The following MAML2 variants were observed in gnomAD, a reference collection of about 807,000 sequenced individuals.
MAML2 encodes mastermind-like protein 2.
MAML2 carries 22 observed loss-of-function variants against 96.1 expected under a neutral mutation model. That is an observed-to-expected ratio of 0.23 (90% CI 0.16 to 0.33). The LOEUF (loss-of-function observed/expected upper bound fraction) is 0.33, where lower values mean the gene tolerates loss of function less well. Ranked by LOEUF, MAML2 falls within the 10% of genes least tolerant of loss-of-function variation. MAML2 has a pLI of 1.00. For missense variants in MAML2, 1,367 were observed against 1,392.4 expected, an observed-to-expected ratio of 0.98 and a Z score of 0.29; for synonymous variants, 561 against 521.3, an observed-to-expected ratio of 1.08 and a Z score of -1.04.
At chr11:96,148,056 A>G (rs923967496) in intron 1 of MAML2, among the ~76,000 whole-genome samples, 2 of 152,236 alleles carry the variant, frequency 1.3e-5, no homozygotes, top group African/African-American at 4.8e-5. Flanking sequence ...TCCTTTAACA[A>G]GACTGTGGTG....
At chr11:95,999,706 T>C (rs1858051629) in intron 2 of MAML2, among the ~76,000 whole-genome samples, 1 of 152,138 alleles carries the variant, frequency 6.6e-6, no homozygotes. Context: ...AATGAAGTAA[T>C]GTAAATTACT....
intron 2 of MAML2, among the ~76,000 whole-genome samples, chr11:96,052,276 G>A (rs1166702862): frequency 6.6e-6 from 1 of 152,104 alleles, no homozygotes; most frequent in Non-Finnish European, 1.5e-5. Context: ...ATACATTTAG[G>A]AACACATACT....
chr11:96,126,279 C>T (rs1055573454), intron 1 of MAML2, among the ~76,000 whole-genome samples: 4 of 152,002 alleles, frequency 2.6e-5, no homozygotes, highest in African/African-American at 9.7e-5. Flanking sequence ...GCAGAGAGGC[C>T]CGGTTTGGTG....
chr11:96,184,073 G>T, intron 1 of MAML2, among the ~76,000 whole-genome samples: 1 of 151,756 alleles, frequency 6.6e-6, no homozygotes, highest in Non-Finnish European at 1.5e-5. Context: ...GTCCTTTGAG[G>T]ATGGTACTCC....
intron 1 of MAML2, among the ~76,000 whole-genome samples, chr11:96,141,364 A>G (rs1038035044): frequency 2.0e-5 from 3 of 152,146 alleles, no homozygotes; most frequent in Non-Finnish European, 4.4e-5. Context: ...GACCCTTGAC[A>G]TCTCCCCTGA....
In MAML2 at chr11:96,030,090, G is replaced by A. The variant is rs533941237; in HGVS notation, c.2140-38367C>T. ...CTGCTAAAAATACAAAAAATTAGCC[G>A]GGCGTGGTAGCGGACACCTGTAATC... On this transcript the variant is annotated intron_variant, in intron 2 of 4. Transcript: ENST00000524717. Among the ~76,000 whole-genome samples, 355 of 152,140 alleles carry A rather than the reference G, an allele frequency of 2.3e-3. 4 individuals carry two copies. Among genetic ancestry groups the A allele is most frequent in the Non-Finnish European group, 7.1e-4 (48 of 68,000 alleles).
At chr11:96,069,372 T>C (rs1265744629) in intron 2 of MAML2, among the ~76,000 whole-genome samples, 3 of 152,222 alleles carry the variant, frequency 2.0e-5, no homozygotes, top group Non-Finnish European at 1.5e-5. Flanking sequence ...TTCTATTTTT[T>C]AATTAAGATA....
At chr11:96,333,922 C>T (rs1242286246) in intron 1 of MAML2, among the ~76,000 whole-genome samples, 1 of 152,144 alleles carries the variant, frequency 6.6e-6, no homozygotes, top group Non-Finnish European at 1.5e-5. Context: ...ACCTACTAAG[C>T]CCACACTCCA....
chr11:96,011,621 GTTCAC>G (rs1858268145), intron 2 of MAML2, among the ~76,000 whole-genome samples: 1 of 152,146 alleles, frequency 6.6e-6, no homozygotes, highest in Admixed American at 6.5e-5. Context: ...TGGGTACTAT[GTTCAC>G]TATTTGGGTG....
At chr11:96,159,118 G>T (rs1282174464) in intron 1 of MAML2, among the ~76,000 whole-genome samples, 12 of 152,082 alleles carry the variant, frequency 7.9e-5, no homozygotes, top group Non-Finnish European at 1.5e-5. Context: ...ATAGAAACTT[G>T]AGTGGAAAGA....
chr11:96,144,246 G>C (rs1159192379), intron 1 of MAML2, among the ~76,000 whole-genome samples: 1 of 152,198 alleles, frequency 6.6e-6, no homozygotes, highest in East Asian at 1.9e-4. Context: ...ACATTAATTA[G>C]AGTCTCAAAG....
intron 1 of MAML2, among the ~76,000 whole-genome samples, chr11:96,231,838 G>T (rs192261087): frequency 1.1e-3 from 165 of 152,218 alleles, no homozygotes; most frequent in Admixed American, 2.8e-3. Flanking sequence ...TAAAAAATAT[G>T]TCACCAATCT....
At chr11:96,052,496 C>T (rs1378799563) in intron 2 of MAML2, among the ~76,000 whole-genome samples, 4 of 152,190 alleles carry the variant, frequency 2.6e-5, no homozygotes, top group East Asian at 1.9e-4. Context: ...TTGGACTTAA[C>T]GACACCACTC....
At chr11:96,199,234 T>C (rs111396522) in intron 1 of MAML2, among the ~76,000 whole-genome samples, 342 of 144,428 alleles carry the variant, frequency 2.4e-3, no homozygotes, top group African/African-American at 7.9e-3. Context: ...AGAGGGGTAG[T>C]CCTTGTTGCT....
intron 2 of MAML2, among the ~76,000 whole-genome samples, chr11:96,061,036 C>T (rs10501840): frequency 0.15 from 22,547 of 152,076 alleles, 1,790 homozygotes; most frequent in South Asian, 0.21. Context: ...TATTCTGGCT[C>T]TGAAATATAA....
intron 2 of MAML2, among the ~76,000 whole-genome samples, chr11:96,060,116 T>G (rs1859131867): frequency 6.6e-6 from 1 of 152,158 alleles, no homozygotes; most frequent in Non-Finnish European, 1.5e-5. Flanking sequence ...GAATAAGAGC[T>G]TCATGTGGTA....
chr11:96,139,826 T>C (rs1267676895), intron 1 of MAML2, among the ~76,000 whole-genome samples: 1 of 151,978 alleles, frequency 6.6e-6, no homozygotes, highest in Non-Finnish European at 1.5e-5. Flanking sequence ...AGGCAAACAT[T>C]AAGGGCCTTT....
intron 1 of MAML2, among the ~76,000 whole-genome samples, chr11:96,191,769 T>G (rs560588673): frequency 1.5e-5 from 1 of 65,618 alleles, no homozygotes; most frequent in South Asian, 4.8e-4. Flanking sequence ...AAACTCTGTC[T>G]CAAAAAAAAA....
At chr11:96,001,635 C>A (rs1041816204) in intron 2 of MAML2, among the ~76,000 whole-genome samples, 1 of 89,232 alleles carries the variant, frequency 1.1e-5, no homozygotes, top group Non-Finnish European at 2.2e-5. Flanking sequence ...AGAACTCAAC[C>A]CCCCCTCACT....
Sources: gnomAD v4.1 joint callset for allele counts (sites outside exome capture counted in the v4.1 genomes callset) on GRCh38, gnomAD v4.1.1 for gene constraint, MANE v1.5 for transcripts, NCBI Gene and HGNC (gene_info 2026-07-23, HGNC 2026-07-21) for gene names.